ZEB2: variants seen among roughly 807,000 people sequenced by gnomAD.
ZEB2 encodes zinc finger E-box-binding homeobox 2.
In ZEB2, 6 loss-of-function variants were observed where a neutral mutation model predicts 99.9. The observed-to-expected ratio is 0.06, with a 90% CI of 0.03 to 0.12. The LOEUF (loss-of-function observed/expected upper bound fraction) is 0.12. Among genes scored for constraint, ZEB2 ranks in the 10% least tolerant of loss-of-function variants. ZEB2 has a pLI of 1.00. For missense variants in ZEB2, 969 were observed against 1,502.8 expected (o/e 0.64, Z 5.87); for synonymous variants, 517 against 542.5 (o/e 0.95, Z 0.65).
At chr2:144,395,291 G>A (rs180815580) in intron 9 of ZEB2, among the ~76,000 whole-genome samples, 81 of 152,066 alleles carry the variant, frequency 5.3e-4, no homozygotes, top group South Asian at 8.3e-4. Context: ...GAGCTGCTGC[G>A]CCTGGCTCAT....
At chr2:144,489,966 T>C (rs540302655) in intron 2 of ZEB2, among the ~76,000 whole-genome samples, 1 of 152,358 alleles carries the variant, frequency 6.6e-6, no homozygotes, top group East Asian at 1.9e-4. Context: ...GTTAACATGT[T>C]GTCAGAGAGA....
intron 2 of ZEB2, among the ~76,000 whole-genome samples, chr2:144,457,007 C>A (rs928841955): frequency 2.6e-5 from 4 of 152,234 alleles, no homozygotes; most frequent in South Asian, 2.1e-4. Context: ...CAGAGCAGCA[C>A]CCCCCAAAGG....
intron 4 of ZEB2, among the ~76,000 whole-genome samples, chr2:144,420,674 C>T (rs1253330423): frequency 6.6e-6 from 1 of 152,020 alleles, no homozygotes; most frequent in African/African-American, 2.4e-5. Flanking sequence ...GAGATGACCA[C>T]ATTAAGGAAA....
intron 2 of ZEB2, among the ~76,000 whole-genome samples, chr2:144,471,844 C>T (rs1044829642): frequency 6.6e-6 from 1 of 151,272 alleles, no homozygotes; most frequent in Non-Finnish European, 1.5e-5. Context: ...TTCTTCAGTG[C>T]ACAGTGGATA....
intron 2 of ZEB2, among the ~76,000 whole-genome samples, chr2:144,454,011 A>T (rs1704088270): frequency 6.6e-6 from 1 of 152,232 alleles, no homozygotes; most frequent in African/African-American, 2.4e-5. Context: ...CATCTGAAAA[A>T]TGAAGATTCA....
intron 3 of ZEB2, chr2:144,426,410 T>A (rs1436095055): frequency 6.6e-6 from 1 of 152,144 alleles, no homozygotes; most frequent in Non-Finnish European, 1.5e-5. Context: ...TCCTTGCTCA[T>A]CTCATGTGAT....
chr2:144,426,583 A>G (rs1379073037), intron 3 of ZEB2: 3 of 152,142 alleles, frequency 2.0e-5, no homozygotes, highest in African/African-American at 7.2e-5. Context: ...TTCTTATGAA[A>G]AAGTAAAGAG....
intron 2 of ZEB2, among the ~76,000 whole-genome samples, chr2:144,467,507 C>G (rs982388697): frequency 1.3e-5 from 2 of 152,114 alleles, no homozygotes; most frequent in African/African-American, 4.8e-5. Context: ...CATCAATATA[C>G]TAAATGTTAC....
chr2:144,469,837 C>T (rs1394872449), intron 2 of ZEB2, among the ~76,000 whole-genome samples: 1 of 152,126 alleles, frequency 6.6e-6, no homozygotes, highest in African/African-American at 2.4e-5. Context: ...ATTACTTGTG[C>T]CTTTTAAGGA....
Position 144,399,842 on chromosome 2 carries a change from C to A in ZEB2, c.1345G>T (p.Gly449Trp). ...AAATTACTATTCATGGTGGGAAACC[C>A]AAGTAAAGGGGCTTCCATCCCTACA... ...LGVGMEAPLL[G>W]FPTMNSNLSE... Residue 449 changes from glycine to tryptophan, a missense_variant, in exon 8 of 10, where the codon GGG becomes TGG. Physicochemically the swap from Gly to Trp is radical, Grantham distance 184. Transcript: ENST00000627532. The surrounding 1 kb of genome is among the most constrained non-coding windows in gnomAD (Gnocchi z 5.6). 6.2e-7 allele frequency: 1 copy of A among 1,614,140 alleles called. No individual in the cohort carries two copies. The highest frequency in any genetic ancestry group is 8.5e-7 in the Non-Finnish European group (1 of 1,180,018).
intron 6 of ZEB2, among the ~76,000 whole-genome samples, chr2:144,402,566 A>G (rs1295815443): frequency 6.6e-6 from 1 of 152,242 alleles, no homozygotes; most frequent in Non-Finnish European, 1.5e-5. Context: ...TTAATATGAT[A>G]CAATCATTTT....
chr2:144,520,003 A>G lies in ZEB2; in HGVS notation c.-134T>C. 2.2e-6 allele frequency: 1 copy of G among 454,512 alleles called. No homozygotes were observed. Among genetic ancestry groups the G allele is most frequent in the Admixed American group, 2.3e-5 (1 of 42,584 alleles). The allele number at this position is 454,512 out of a possible 1,614,324, so 28.2% of individuals were successfully genotyped here. A position where few individuals can be genotyped will look rare whatever the true frequency, so the allele number is the denominator to read the frequency against. ...GAAGAAAAAGCATGAAGAAGCCGCG[A>G]AGTGTGGGGGAGAAAAAGGTGGAAG... On this transcript the variant is annotated 5_prime_UTR_variant, in exon 1 of 10. Transcript: ENST00000627532.
In ZEB2 at chr2:144,440,513, ATATTTTTTTTTTTTTTTTTTTTT is replaced by A. The variant is rs1703898875; in HGVS notation, c.74-10510_74-10488del. Among the ~76,000 whole-genome samples the A allele has an allele frequency of 2.9e-4, 7 of 24,096 alleles. No individual in the cohort carries two copies. The South Asian group carries it at 6.6e-3, about 23-fold the overall frequency. The allele number at this position is 24,096 out of a possible 152,430, so 15.8% of individuals were successfully genotyped here. ...TATATATATATATATATATATATAT[ATATTTTTTTTTTTTTTTTTTTTT>A]TTTTTTAACTAGTGGTTAACTTTTG... On this transcript the variant is annotated intron_variant, in intron 2 of 9. Transcript: ENST00000627532.
intron 2 of ZEB2, 22 bp from the exon 3 acceptor site, chr2:144,430,048 C>T: frequency 6.2e-7 from 1 of 1,610,668 alleles, no homozygotes; most frequent in Non-Finnish European, 8.5e-7. Context: ...GCACAAAACA[C>T]ACTCTCTAAA....
At chr2:144,394,696 G>C (rs995596884) in intron 9 of ZEB2, among the ~76,000 whole-genome samples, 17 of 152,102 alleles carry the variant, frequency 1.1e-4, no homozygotes, top group Admixed American at 2.0e-4. Flanking sequence ...TGTCTTTAAG[G>C]TATCATTAAA....
In ZEB2 at chr2:144,402,965, A is replaced by G. The variant is rs371604076; in HGVS notation, c.807+951T>C. On this transcript the variant is annotated intron_variant, in intron 6 of 9. Coordinates refer to ENST00000627532, the MANE Select transcript of ZEB2 (RefSeq NM_014795.4). ...TTATTCGAAGAAAATGAAGGTTATA[A>G]GGAAAACCTAAGAATTTTGAATACA... Among the ~76,000 whole-genome samples the G allele has an allele frequency of 5.9e-5, 9 of 152,264 alleles. 1 individual carries two copies. The highest frequency in any genetic ancestry group is 2.2e-4 in the African/African-American group (9 of 41,466).
At chr2:144,515,716 TC>T (rs1705122850) in intron 2 of ZEB2, among the ~76,000 whole-genome samples, 1 of 148,732 alleles carries the variant, frequency 6.7e-6, no homozygotes, top group African/African-American at 2.5e-5. Context: ...CCTCTATCAC[TC>T]CCCCATATGG....
At position 144,398,421 on chromosome 2, in the gene ZEB2, T is replaced by C. The variant is rs185223937; in HGVS notation, c.2766A>G (p.Pro922=). The C allele has an allele frequency of 1.2e-6, 2 of 1,614,024 alleles. No homozygotes were observed. The highest frequency in any genetic ancestry group is 1.6e-4 in the Middle Eastern group (1 of 6,076). ...AGCTCATCTGATCCAGTCCTGGGTA[T>C]GGTCGTAGCCCAGGAATACTGGTCT... ...PVQTSIPGLR[P]YPGLDQMSFL... is the part of the protein sequence containing the mutation. The change falls in exon 8 of 10, where the codon CCA becomes CCG. Residue 922 remains proline (P), a synonymous_variant. Transcript: ENST00000627532.
At chr2:144,483,459 T>C (rs938745521) in intron 2 of ZEB2, among the ~76,000 whole-genome samples, 1 of 152,208 alleles carries the variant, frequency 6.6e-6, no homozygotes, top group African/African-American at 2.4e-5. Context: ...TTAAAGTGGA[T>C]ACATTTGGAA....
Sources: allele counts gnomAD v4.1 joint callset (sites outside exome capture counted in the v4.1 genomes callset), GRCh38; gene constraint gnomAD v4.1.1; non-coding constraint Gnocchi (gnomAD v3.1); transcripts MANE v1.5; gene names NCBI Gene and HGNC (gene_info 2026-07-23, HGNC 2026-07-21).